Variants in SNTG1 observed in about 807,000 individuals in gnomAD.
SNTG1 encodes syntrophin gamma 1, also known as gamma-1-syntrophin.
SNTG1 carries 39 observed loss-of-function variants against 74.7 expected under a neutral mutation model. That is an observed-to-expected ratio of 0.52 (90% CI 0.40 to 0.68). The LOEUF is 0.68. Among genes scored for constraint, SNTG1 ranks in the 30% least tolerant of loss-of-function variants. The pLI, the probability that SNTG1 is intolerant of heterozygous loss-of-function variation, is 0.00. For synonymous variants in SNTG1, 254 were observed against 217.1 expected, an observed-to-expected ratio of 1.17 and a Z score of -1.49; for missense variants, 685 against 609.5, an observed-to-expected ratio of 1.12 and a Z score of -1.30.
intron 2 of SNTG1, among the ~76,000 whole-genome samples, chr8:50,372,254 T>C (rs993811965): frequency 5.3e-5 from 8 of 151,928 alleles, no homozygotes; most frequent in Admixed American, 5.2e-4. Flanking sequence ...TTTGATTCCT[T>C]TGCCATTTTA....
chr8:50,552,415 G>A (rs2094432514), intron 11 of SNTG1, among the ~76,000 whole-genome samples: 3 of 152,158 alleles, frequency 2.0e-5, no homozygotes, highest in Admixed American at 2.0e-4. Context: ...ACTGATCATA[G>A]CATTTTAAGA....
intron 13 of SNTG1, among the ~76,000 whole-genome samples, chr8:50,598,719 C>T (rs549531175): frequency 2.0e-5 from 3 of 151,980 alleles, no homozygotes; most frequent in African/African-American, 7.2e-5. Flanking sequence ...CACAGACTAC[C>T]TTTCTATTTG....
intron 2 of SNTG1, among the ~76,000 whole-genome samples, chr8:50,336,448 C>T (rs1050982225): frequency 1.1e-4 from 16 of 152,176 alleles, no homozygotes; most frequent in African/African-American, 3.6e-4. Context: ...TGTTTTGAGG[C>T]ACTGGTAGAA....
chr8:50,410,710 G>C (rs1471863178), intron 4 of SNTG1, among the ~76,000 whole-genome samples: 1 of 152,058 alleles, frequency 6.6e-6, no homozygotes, highest in Non-Finnish European at 1.5e-5. Flanking sequence ...TCTACTTTCT[G>C]TTTCTGTGGA....
chr8:50,711,773 A>C (rs958610147), intron 17 of SNTG1, among the ~76,000 whole-genome samples: 2 of 152,168 alleles, frequency 1.3e-5, no homozygotes, highest in Non-Finnish European at 2.9e-5. Context: ...GTAGCATATC[A>C]AGAGGTGATA....
intron 2 of SNTG1, among the ~76,000 whole-genome samples, chr8:50,282,094 C>G (rs571833324): frequency 2.6e-5 from 4 of 152,258 alleles, no homozygotes; most frequent in Admixed American, 1.3e-4. Flanking sequence ...AATAACATCT[C>G]TGACCAGAAA....
In SNTG1 at chr8:50,793,929, A is replaced by T. The variant is rs1009349425; in HGVS notation, c.*1100A>T. The stretch of plus-strand genomic sequence containing the variant: ...TCATGGAAAGTGATTAAGTAATGCC[A>T]ACTATGCAGGTTGTTTTAGGTATTT... On this transcript the variant is annotated 3_prime_UTR_variant, in exon 19 of 19. Coordinates refer to ENST00000642720, the MANE Select transcript of SNTG1 (RefSeq NM_018967.5). The T allele has an allele frequency of 2.0e-5, 3 of 151,934 alleles. No individual in the cohort carries two copies. Among genetic ancestry groups the T allele is most frequent in the Non-Finnish European group, 4.4e-5 (3 of 67,892 alleles). 9.4% of individuals were successfully genotyped at this position (151,934 alleles called of 1,614,324 possible).
At chr8:50,533,030 C>T (rs1405248277) in intron 10 of SNTG1, among the ~76,000 whole-genome samples, 1 of 152,128 alleles carries the variant, frequency 6.6e-6, no homozygotes, top group Non-Finnish European at 1.5e-5. Context: ...AGCATCATTC[C>T]ACTATCCTAC....
At chr8:50,391,328 T>A (rs1257772615) in intron 2 of SNTG1, among the ~76,000 whole-genome samples, 1 of 152,184 alleles carries the variant, frequency 6.6e-6, no homozygotes, top group African/African-American at 2.4e-5. Context: ...ATTGAGATAA[T>A]CACGTGGCTT....
chr8:50,453,634 T>C (rs1363676941), intron 8 of SNTG1, among the ~76,000 whole-genome samples: 1 of 152,224 alleles, frequency 6.6e-6, no homozygotes, highest in Non-Finnish European at 1.5e-5. Context: ...GAACCATTAA[T>C]AAATGTTATG....
intron 13 of SNTG1, among the ~76,000 whole-genome samples, chr8:50,619,634 A>G (rs113967951): frequency 0.043 from 6,480 of 151,542 alleles, 247 homozygotes; most frequent in African/African-American, 0.094. Context: ...AGGAGGCTGA[A>G]GCAGGAGAAT....
At chr8:50,688,593 T>C (rs558478414) in intron 15 of SNTG1, among the ~76,000 whole-genome samples, 1 of 152,312 alleles carries the variant, frequency 6.6e-6, no homozygotes, top group East Asian at 1.9e-4. Flanking sequence ...TTCTGAGGGC[T>C]CTGTTCTGTT....
At chr8:50,108,388 G>C (rs998767517) in intron 1 of SNTG1, among the ~76,000 whole-genome samples, 3 of 152,156 alleles carry the variant, frequency 2.0e-5, no homozygotes. Flanking sequence ...GATGTTGTAA[G>C]AATAATTTAT....
intron 2 of SNTG1, among the ~76,000 whole-genome samples, chr8:50,253,125 C>G (rs1563801805): frequency 6.6e-6 from 1 of 152,074 alleles, no homozygotes; most frequent in African/African-American, 2.4e-5. Context: ...ACGGAGATTA[C>G]TTTAAGAATT....
At chr8:50,125,029 A>G (rs2081097832) in intron 1 of SNTG1, among the ~76,000 whole-genome samples, 1 of 142,088 alleles carries the variant, frequency 7.0e-6, no homozygotes, top group African/African-American at 2.5e-5. Context: ...GCCATACCTG[A>G]AAGCACTGAG....
At chr8:50,185,004 T>G (rs1216790275) in intron 2 of SNTG1, among the ~76,000 whole-genome samples, 1 of 152,212 alleles carries the variant, frequency 6.6e-6, no homozygotes, top group East Asian at 1.9e-4. Context: ...GGTTATACTT[T>G]CTGACATTGA....
At chr8:50,687,552 G>A (rs944246379) in intron 15 of SNTG1, among the ~76,000 whole-genome samples, 4 of 152,170 alleles carry the variant, frequency 2.6e-5, no homozygotes, top group South Asian at 2.1e-4. Context: ...GCAACATTAT[G>A]TAGTGATAAA....
chr8:50,641,696 C>T (rs1003756213), intron 13 of SNTG1, among the ~76,000 whole-genome samples: 9 of 152,178 alleles, frequency 5.9e-5, no homozygotes, highest in African/African-American at 1.7e-4. Flanking sequence ...AGTCAATTAT[C>T]GGTCCTCGTG....
At chr8:50,130,395 A>G (rs536531373) in intron 1 of SNTG1, among the ~76,000 whole-genome samples, 2 of 152,282 alleles carry the variant, frequency 1.3e-5, no homozygotes, top group Non-Finnish European at 2.9e-5. Context: ...AAATATCAAG[A>G]AAGAGAAATA....
Sources: gnomAD v4.1 joint callset for allele counts (sites outside exome capture counted in the v4.1 genomes callset) on GRCh38, gnomAD v4.1.1 for gene constraint, MANE v1.5 for transcripts, NCBI Gene and HGNC (gene_info 2026-07-23, HGNC 2026-07-21) for gene names.